Variants in SRL observed in about 807,000 individuals in gnomAD.
SRL encodes the protein sarcalumenin.
SRL carries 23 observed loss-of-function variants against 39.5 expected under a neutral mutation model. The observed-to-expected ratio is 0.58, with a 90% CI of 0.42 to 0.82. The LOEUF (loss-of-function observed/expected upper bound fraction) is 0.82. SRL is among the 40% of genes least tolerant of loss of function. SRL has a pLI of 0.00. For missense variants in SRL, 592 were observed against 607.8 expected, an observed-to-expected ratio of 0.97 and a Z score of 0.27; for synonymous variants, 272 against 237.4, an observed-to-expected ratio of 1.15 and a Z score of -1.34.
intron 3 of SRL, among the ~76,000 whole-genome samples, chr16:4,202,234 A>G (rs1424749804): frequency 6.6e-6 from 1 of 152,258 alleles, no homozygotes; most frequent in Non-Finnish European, 1.5e-5. Flanking sequence ...ATGTGCTCAC[A>G]CATGAAGAGG....
chr16:4,217,778 A>T (rs2052476728), intron 1 of SRL, among the ~76,000 whole-genome samples: 1 of 152,238 alleles, frequency 6.6e-6, no homozygotes, highest in Non-Finnish European at 1.5e-5. Flanking sequence ...AAGAGCAAAG[A>T]CACCAGGCCA....
chr16:4,212,647 G>A (rs116073787), intron 1 of SRL, among the ~76,000 whole-genome samples: 3,779 of 152,226 alleles, frequency 0.025, 146 homozygotes, highest in African/African-American at 0.082. Context: ...CCCCGACTCC[G>A]GCCAGGCCAG....
Position 4,197,823 on chromosome 16 carries a change from T to C in SRL, c.352A>G (p.Asn118Asp), listed in dbSNP as rs780994438. 9 of 1,612,306 alleles carry C rather than the reference T, an allele frequency of 5.6e-6. No homozygotes were observed. The South Asian group carries it at 9.9e-5, about 18-fold the overall frequency. Residue 118 changes from asparagine (N) to aspartate (D), a missense_variant, in exon 4 of 6, where the codon AAT becomes GAT. Asn to Asp is a conservative substitution (Grantham distance 23). Transcript: ENST00000399609. ...TMINYLLGLE[N>D]TRYQLYTGAE... ...CCTGTATAGAGCTGATAGCGAGTAT[T>C]TTCCAGCCCAAGGAGGTAGTTTATC... is the stretch of plus-strand genomic sequence containing the variant.
intron 1 of SRL, among the ~76,000 whole-genome samples, chr16:4,233,028 G>A (rs1050842380): frequency 3.3e-5 from 5 of 152,230 alleles, no homozygotes; most frequent in Non-Finnish European, 7.3e-5. Flanking sequence ...TTTGAGCTCA[G>A]AGTACAGTCC....
At chr16:4,219,557 C>T (rs8046884) in intron 1 of SRL, among the ~76,000 whole-genome samples, 2 of 151,970 alleles carry the variant, frequency 1.3e-5, no homozygotes, top group Admixed American at 6.5e-5. Flanking sequence ...AGTTTCAAGC[C>T]ACTGATTCTC....
intron 1 of SRL, among the ~76,000 whole-genome samples, chr16:4,211,991 T>G (rs1240266799): frequency 6.6e-6 from 1 of 152,200 alleles, no homozygotes. Context: ...AAAGCCGTTT[T>G]CCCTGGTAAA....
intron 1 of SRL, among the ~76,000 whole-genome samples, chr16:4,238,167 A>G (rs2052733020): frequency 6.6e-6 from 1 of 152,188 alleles, no homozygotes; most frequent in African/African-American, 2.4e-5. Flanking sequence ...TGCTGCGATG[A>G]GGCCTGGATT....
intron 1 of SRL, among the ~76,000 whole-genome samples, chr16:4,212,906 AT>A (rs2052411540): frequency 6.6e-6 from 1 of 152,052 alleles, no homozygotes; most frequent in Non-Finnish European, 1.5e-5. Flanking sequence ...AAATGCCCTG[AT>A]TTTGTTTCTT....
At chr16:4,220,825 C>T (rs1002049101) in intron 1 of SRL, among the ~76,000 whole-genome samples, 1 of 150,372 alleles carries the variant, frequency 6.7e-6, no homozygotes, top group Non-Finnish European at 1.5e-5. Context: ...CCCGAATATA[C>T]TTAAAAAAAA....
At chr16:4,206,892 T>C (rs1246845541) in intron 1 of SRL, 6 of 456,476 alleles carry the variant, frequency 1.3e-5, no homozygotes, top group Non-Finnish European at 2.6e-5. Context: ...TTCCGGAAGC[T>C]CTGCACCTTC....
At chr16:4,203,897 C>T (rs553011271) in intron 2 of SRL, among the ~76,000 whole-genome samples, 20 of 152,338 alleles carry the variant, frequency 1.3e-4, no homozygotes, top group Non-Finnish European at 2.4e-4. Flanking sequence ...CTGGCCCTGG[C>T]GTTGGCCTGT....
intron 1 of SRL, among the ~76,000 whole-genome samples, chr16:4,222,477 G>GGGT (rs1419231958): frequency 6.6e-6 from 1 of 152,162 alleles, no homozygotes; most frequent in African/African-American, 2.4e-5. Context: ...GTTTTGCCAT[G>GGGT]TTGCCCAGGC....
In SRL at chr16:4,192,064, G is replaced by T; in HGVS notation, c.*89C>A. On this transcript the variant is annotated 3_prime_UTR_variant, in exon 6 of 6. Transcript: ENST00000399609. This position sits in a 1 kb window ranked among gnomAD's most constrained non-coding sequence, Gnocchi z 4.0. Reference sequence around the variant, plus strand: ...CCACTGTGTAATAATTCCTGCCAGTGTGGCTCAAAGGGTTAATAAACCAGG... The same window carrying T: ...CCACTGTGTAATAATTCCTGCCAGTTTGGCTCAAAGGGTTAATAAACCAGG... The T allele has an allele frequency of 1.5e-6, 2 of 1,369,498 alleles. No homozygotes were observed. The highest frequency in any genetic ancestry group is 2.0e-6 in the Non-Finnish European group (2 of 1,002,160). 84.8% of individuals were successfully genotyped at this position (1,369,498 alleles called of 1,614,324 possible).
intron 1 of SRL, among the ~76,000 whole-genome samples, chr16:4,208,642 G>A (rs961786943): frequency 2.6e-5 from 4 of 152,216 alleles, no homozygotes; most frequent in African/African-American, 9.7e-5. Context: ...ACAGGTGTTT[G>A]CAGGCCGGAT....
rs919800373 is a variant in SRL, at chr16:4,190,039, G to A, written c.*2114C>T. The A allele has an allele frequency of 3.4e-5, 13 of 381,176 alleles. No homozygotes were observed. Among genetic ancestry groups the A allele is most frequent in the South Asian group, 1.5e-4 (1 of 6,862 alleles). The allele number at this position is 381,176 out of a possible 1,614,324, so 23.6% of individuals were successfully genotyped here. A position where few individuals can be genotyped will look rare whatever the true frequency, so the allele number is the denominator to read the frequency against. ...CTCATCAGCCCCTATCACAGGCTCCGTGGATGCCCCTTGCAGAACTCACTG... is the reference window on the plus strand; with the variant it reads ...CTCATCAGCCCCTATCACAGGCTCCATGGATGCCCCTTGCAGAACTCACTG... On this transcript the variant is annotated 3_prime_UTR_variant, in exon 6 of 6. Coordinates refer to ENST00000399609, the MANE Select transcript of SRL (RefSeq NM_001098814.2).
intron 1 of SRL, chr16:4,206,757 C>A (rs1240267116): frequency 2.2e-6 from 1 of 456,870 alleles, no homozygotes; most frequent in South Asian, 1.5e-5. Context: ...CTCTCCCTCC[C>A]CCTGATGTCC....
chr16:4,192,787 T>TG lies in SRL; in HGVS notation c.787dup (p.Gln263ProfsTer37), dbSNP rs2052085590. On this transcript the variant is annotated frameshift_variant, in exon 6 of 6. Coordinates refer to ENST00000399609, the MANE Select transcript of SRL (RefSeq NM_001098814.2). LOFTEE classifies it high-confidence loss of function. The surrounding 1 kb of genome is among the most constrained non-coding windows in gnomAD (Gnocchi z 4.0). ...GGCCCCGTAAACCCGCATGAGCATT[T>TG]GGGTGGCCAGATTGTCAGCCTTGTT... 3 of 1,614,180 alleles carry TG rather than the reference T, an allele frequency of 1.9e-6. No homozygotes were observed. The highest frequency in any genetic ancestry group is 2.5e-6 in the Non-Finnish European group (3 of 1,180,028).
intron 1 of SRL, among the ~76,000 whole-genome samples, chr16:4,224,034 C>T (rs1007671241): frequency 3.9e-5 from 6 of 152,022 alleles, no homozygotes; most frequent in African/African-American, 1.4e-4. Context: ...GTCGGGGGCC[C>T]TCACAGCAAC....
At chr16:4,209,204 T>A (rs1597278762) in intron 1 of SRL, among the ~76,000 whole-genome samples, 1 of 149,498 alleles carries the variant, frequency 6.7e-6, no homozygotes. Context: ...AACCGGGAGG[T>A]GGAGGTTGCA....
Sources: allele counts gnomAD v4.1 joint callset (sites outside exome capture counted in the v4.1 genomes callset), GRCh38; gene constraint gnomAD v4.1.1; non-coding constraint Gnocchi (gnomAD v3.1); transcripts MANE v1.5; gene names NCBI Gene and HGNC (gene_info 2026-07-23, HGNC 2026-07-21).